The following DLGAP4 variants were observed in gnomAD, a reference collection of about 807,000 sequenced individuals.
The protein encoded by DLGAP4 is DLG associated protein 4.
In DLGAP4, 18 loss-of-function variants were observed where a neutral mutation model predicts 86.9. That is an observed-to-expected ratio of 0.21 (90% CI 0.14 to 0.31). The LOEUF (loss-of-function observed/expected upper bound fraction) is 0.31. Ranked by LOEUF, DLGAP4 falls within the 10% of genes least tolerant of loss-of-function variation. DLGAP4 has a pLI of 1.00. For synonymous variants in DLGAP4, 548 were observed against 574.3 expected, an observed-to-expected ratio of 0.95 and a Z score of 0.65; for missense variants, 1,085 against 1,362.6, an observed-to-expected ratio of 0.80 and a Z score of 3.21.
chr20:36,414,062 C>T (rs963729280), intron 2 of DLGAP4, among the ~76,000 whole-genome samples: 1 of 152,154 alleles, frequency 6.6e-6, no homozygotes, highest in Non-Finnish European at 1.5e-5. Context: ...CAGCTGGTCC[C>T]GTTTGCCCCT....
At chr20:36,496,157 C>T (rs1302751763) in intron 7 of DLGAP4, among the ~76,000 whole-genome samples, 2 of 152,196 alleles carry the variant, frequency 1.3e-5, no homozygotes, top group East Asian at 3.9e-4. Context: ...CAGGCGTGAG[C>T]CACTGCGCCC....
At position 36,525,791 on chromosome 20, in the gene DLGAP4, T is replaced by TG. The variant is rs543348191; in HGVS notation, c.2605-54dup. On this transcript the variant is annotated intron_variant, in intron 11 of 12. Transcript: ENST00000339266. The stretch of plus-strand genomic sequence containing the variant: ...AGAGGAACCCTGCTTGTTGGGGGGT[T>TG]GGGGGGAGCAGGACAAGCCTCTGCT... The TG allele has an allele frequency of 2.3e-5, 37 of 1,596,608 alleles. No individual in the cohort carries two copies. In the African/African-American group the frequency reaches 4.2e-4, roughly 18 times the overall value.
intron 3 of DLGAP4, among the ~76,000 whole-genome samples, chr20:36,433,302 C>T (rs963335734): frequency 2.6e-5 from 4 of 152,202 alleles, no homozygotes; most frequent in Admixed American, 1.3e-4. Context: ...GGGATCAGCA[C>T]CAAGAGTTGC....
At chr20:36,477,737 C>G (rs1047719055) in intron 7 of DLGAP4, among the ~76,000 whole-genome samples, 10 of 152,246 alleles carry the variant, frequency 6.6e-5, no homozygotes, top group Non-Finnish European at 1.0e-4. Context: ...GTCAGTGAGA[C>G]AGATGATGGA....
intron 1 of DLGAP4, among the ~76,000 whole-genome samples, chr20:36,337,430 T>C (rs2065334293): frequency 6.6e-6 from 1 of 151,968 alleles, no homozygotes. Context: ...TGAGTGGGCA[T>C]TCCAAGCAGC....
chr20:36,480,397 TAAC>T (rs1291606999), intron 7 of DLGAP4, among the ~76,000 whole-genome samples: 4 of 152,156 alleles, frequency 2.6e-5, no homozygotes, highest in Non-Finnish European at 5.9e-5. Context: ...TGTTTGTTGA[TAAC>T]AATTCTCCGG....
intron 4 of DLGAP4, among the ~76,000 whole-genome samples, chr20:36,439,078 C>CAGT (rs2033372320): frequency 6.6e-6 from 1 of 152,060 alleles, no homozygotes; most frequent in Non-Finnish European, 1.5e-5. Flanking sequence ...ATAATAATAA[C>CAGT]AGTAGTAGTA....
chr20:36,435,996 C>T (rs993335971), intron 3 of DLGAP4, 113 bp from the exon 4 acceptor site: 10 of 1,401,552 alleles, frequency 7.1e-6, no homozygotes, highest in Non-Finnish European at 9.3e-6. Flanking sequence ...AAACCCAGCA[C>T]GTGAGCCCGA....
intron 2 of DLGAP4, among the ~76,000 whole-genome samples, chr20:36,385,233 TC>T (rs1435494547): frequency 6.6e-6 from 1 of 152,146 alleles, no homozygotes; most frequent in Non-Finnish European, 1.5e-5. Context: ...GACCCAAGAT[TC>T]AAATCCTGGA....
intron 2 of DLGAP4, among the ~76,000 whole-genome samples, chr20:36,414,321 T>C (rs1260564832): frequency 6.6e-6 from 1 of 152,160 alleles, no homozygotes; most frequent in African/African-American, 2.4e-5. Context: ...AGCCCTATAG[T>C]TGTCCCAGTG....
At chr20:36,487,011 T>G (rs1380286249) in intron 7 of DLGAP4, among the ~76,000 whole-genome samples, 2 of 152,132 alleles carry the variant, frequency 1.3e-5, no homozygotes, top group Non-Finnish European at 2.9e-5. Context: ...GTGGGTAAGA[T>G]GGGCCATAGA....
At chr20:36,521,559 T>G (rs150012335) in intron 10 of DLGAP4, among the ~76,000 whole-genome samples, 3 of 152,274 alleles carry the variant, frequency 2.0e-5, no homozygotes, top group Non-Finnish European at 4.4e-5. Context: ...AAAGTTTTAT[T>G]CTATTCATGG....
At chr20:36,510,397 G>A (rs2036624748) in intron 10 of DLGAP4, among the ~76,000 whole-genome samples, 1 of 152,226 alleles carries the variant, frequency 6.6e-6, no homozygotes, top group Non-Finnish European at 1.5e-5. Context: ...CTGAGTAGCT[G>A]GGACTACAGG....
chr20:36,381,402 AAAAT>A (rs1422583897), intron 2 of DLGAP4, among the ~76,000 whole-genome samples: 1 of 152,250 alleles, frequency 6.6e-6, no homozygotes, highest in African/African-American at 2.4e-5. Context: ...CACTAGGCAC[AAAAT>A]AAATAGTTAT....
intron 1 of DLGAP4, among the ~76,000 whole-genome samples, chr20:36,345,042 C>T (rs2029894185): frequency 1.3e-5 from 2 of 152,204 alleles, no homozygotes; most frequent in African/African-American, 2.4e-5. Flanking sequence ...AAGCTCAGGA[C>T]TAAATTTGAA....
At position 36,496,831 on chromosome 20, in the gene DLGAP4, G is replaced by T; in HGVS notation, c.1775G>T (p.Ser592Ile). The T allele has an allele frequency of 6.2e-7, 1 of 1,614,262 alleles. No individual in the cohort carries two copies. The highest frequency in any genetic ancestry group is 8.5e-7 in the Non-Finnish European group (1 of 1,180,048). Residue 592 changes from serine to isoleucine, a missense_variant, in exon 8 of 13, where the codon AGC becomes ATC. Physicochemically the swap from Ser to Ile is moderately radical, Grantham distance 142. This residue lies in a region of DLGAP4 where 1,082 missense variants were observed against 1,344.1 expected (regional missense o/e 0.81). Transcript: ENST00000339266. ...TESAQDTYLD[S>I]QDHKSEVTSQ... ...TCTGCCCAGGACACCTACCTGGACA[G>T]CCAGGACCACAAGAGCGAGGTGACT...
chr20:36,472,526 C>G (rs1600596229), intron 7 of DLGAP4, among the ~76,000 whole-genome samples: 2 of 149,092 alleles, frequency 1.3e-5, no homozygotes, highest in East Asian at 4.0e-4. Context: ...AAAAAAATCA[C>G]TAGCTTAGTT....
At chr20:36,339,226 T>C (rs182804730) in intron 1 of DLGAP4, among the ~76,000 whole-genome samples, 1 of 152,042 alleles carries the variant, frequency 6.6e-6, no homozygotes, top group East Asian at 1.9e-4. Flanking sequence ...TAGCTGGGAC[T>C]GAAGGTGCGT....
intron 10 of DLGAP4, among the ~76,000 whole-genome samples, chr20:36,505,439 A>G (rs552168543): frequency 1.3e-5 from 2 of 151,926 alleles, no homozygotes; most frequent in Non-Finnish European, 2.9e-5. Context: ...TTGTGTGGGT[A>G]GGGCTTGTTT....
Sources: allele counts gnomAD v4.1 joint callset (sites outside exome capture counted in the v4.1 genomes callset), GRCh38; gene constraint gnomAD v4.1.1; regional missense constraint gnomAD v4.1.1; transcripts MANE v1.5; gene names NCBI Gene and HGNC (gene_info 2026-07-23, HGNC 2026-07-21).